Variants in ELAPOR2 observed in about 807,000 individuals in gnomAD.
ELAPOR2 encodes endosome-lysosome associated apoptosis and autophagy regulator family member 2.
In ELAPOR2, 89 loss-of-function variants were observed where a neutral mutation model predicts 120.7. The ratio of observed to expected loss-of-function variants is 0.74; its 90% CI spans 0.62 to 0.88. The LOEUF (loss-of-function observed/expected upper bound fraction) is 0.88, where lower values mean the gene tolerates loss of function less well. Among genes scored for constraint, ELAPOR2 ranks in the 40% least tolerant of loss-of-function variants. The pLI, the probability that ELAPOR2 is intolerant of heterozygous loss-of-function variation, is 0.00. For synonymous variants in ELAPOR2, 444 were observed against 444.9 expected, an observed-to-expected ratio of 1.00 and a Z score of 0.03; for missense variants, 1,134 against 1,251.6, an observed-to-expected ratio of 0.91 and a Z score of 1.42.
intron 1 of ELAPOR2, among the ~76,000 whole-genome samples, chr7:86,978,364 T>C (rs528259499): frequency 3.3e-5 from 5 of 152,292 alleles, no homozygotes; most frequent in Admixed American, 1.3e-4. Context: ...ACTAATACAC[T>C]TCCAGTAAGA....
chr7:86,930,486 G>A (rs1179944780), intron 8 of ELAPOR2, among the ~76,000 whole-genome samples: 1 of 151,750 alleles, frequency 6.6e-6, no homozygotes, highest in Non-Finnish European at 1.5e-5. Context: ...CTATATCTTT[G>A]TCCTGCTATA....
chr7:86,947,667 G>A, intron 3 of ELAPOR2, 60 bp downstream of exon 3: 3 of 1,375,104 alleles, frequency 2.2e-6, no homozygotes, highest in Non-Finnish European at 3.0e-6. Flanking sequence ...TTCTGGAAAA[G>A]AGCAACTACT....
At chr7:86,942,215 G>A in intron 4 of ELAPOR2, 111 bp from the exon 5 acceptor site, 1 of 569,678 alleles carries the variant, frequency 1.8e-6, no homozygotes, top group East Asian at 3.0e-5. Context: ...CTAAACAATG[G>A]CCATGAGTAA....
In ELAPOR2 at chr7:87,059,505, G is replaced by A; in HGVS notation, c.9C>T (p.Phe3=). The change falls in exon 1 of 22, where the codon TTC becomes TTT. Residue 3 remains phenylalanine (F), a synonymous_variant. Transcript: ENST00000450689. ...TGCCCCGTACCGGCCCCCGGGCGCG[G>A]AACAGCATCTTCGTCCGGCCGCGGT... ML[F]RARGPVRGRG... 2 of 1,200,614 alleles carry A rather than the reference G, an allele frequency of 1.7e-6. No individual in the cohort carries two copies. The highest frequency in any genetic ancestry group is 3.3e-4 in the Middle Eastern group (1 of 3,026). 74.4% of individuals were successfully genotyped at this position (1,200,614 alleles called of 1,614,324 possible).
intron 8 of ELAPOR2, among the ~76,000 whole-genome samples, chr7:86,934,577 T>C (rs1176003580): frequency 1.3e-5 from 2 of 151,988 alleles, no homozygotes; most frequent in East Asian, 1.9e-4. Flanking sequence ...TTTCTCCCAC[T>C]TCTCCAGCCA....
intron 1 of ELAPOR2, among the ~76,000 whole-genome samples, chr7:87,042,840 T>A (rs1794828040): frequency 6.6e-6 from 1 of 151,738 alleles, no homozygotes. Flanking sequence ...TTTGAAAGGA[T>A]CAACAAAATT....
At chr7:86,914,686 GTGTT>G in intron 13 of ELAPOR2, 33 bp downstream of exon 13, 1 of 1,567,728 alleles carries the variant, frequency 6.4e-7, no homozygotes. Context: ...CATCATTAGT[GTGTT>G]TAAAATTTTA....
At chr7:86,967,084 T>G (rs1048236331) in intron 1 of ELAPOR2, among the ~76,000 whole-genome samples, 1 of 152,160 alleles carries the variant, frequency 6.6e-6, no homozygotes, top group Non-Finnish European at 1.5e-5. Flanking sequence ...TACCACACCC[T>G]CCCATGGTAG....
chr7:86,938,947 T>C lies in ELAPOR2; in HGVS notation c.861A>G (p.Thr287=). Residue 287 remains threonine (T), a synonymous_variant, in exon 7 of 22, where the codon ACA becomes ACG. Transcript: ENST00000450689. ...CTGGCTTGCAAGGAAAACATTCTGA[T>C]GTGTACGCCACCCCTGTGCAGTAAT... ...KNITIEGVAY[T]SECFPCKPGT... is the part of the protein sequence containing the mutation. 1 of 1,613,058 alleles carries C rather than the reference T, an allele frequency of 6.2e-7. No individual in the cohort carries two copies. The highest frequency in any genetic ancestry group is 8.5e-7 in the Non-Finnish European group (1 of 1,179,360).
chr7:86,918,763 G>C (rs1789687525), intron 11 of ELAPOR2, among the ~76,000 whole-genome samples: 1 of 151,988 alleles, frequency 6.6e-6, no homozygotes, highest in Non-Finnish European at 1.5e-5. Flanking sequence ...TGAACCTCTT[G>C]CTGTAAATGA....
intron 1 of ELAPOR2, among the ~76,000 whole-genome samples, chr7:87,033,002 T>C (rs531964819): frequency 1.8e-4 from 27 of 152,168 alleles, no homozygotes; most frequent in African/African-American, 5.8e-4. Context: ...CATGTGAAAA[T>C]GATTGGCTAC....
chr7:86,886,821 C>T (rs571925362), intron 21 of ELAPOR2, among the ~76,000 whole-genome samples: 3 of 152,216 alleles, frequency 2.0e-5, no homozygotes, highest in Admixed American at 1.3e-4. Context: ...CTCAATAGGA[C>T]CCTCGATTTA....
At chr7:87,040,695 A>G (rs559497674) in intron 1 of ELAPOR2, among the ~76,000 whole-genome samples, 29 of 152,354 alleles carry the variant, frequency 1.9e-4, no homozygotes, top group African/African-American at 6.7e-4. Context: ...AAACTCTAAA[A>G]AGCAGAGCGC....
intron 8 of ELAPOR2, among the ~76,000 whole-genome samples, chr7:86,929,505 C>G (rs1296866676): frequency 6.6e-6 from 1 of 151,916 alleles, no homozygotes; most frequent in African/African-American, 2.4e-5. Context: ...TCATTTGTCT[C>G]TCTTGGAATT....
chr7:87,036,698 C>T (rs1207160059), intron 1 of ELAPOR2, among the ~76,000 whole-genome samples: 2 of 152,064 alleles, frequency 1.3e-5, no homozygotes, highest in African/African-American at 2.4e-5. Context: ...AACCAAATAC[C>T]GTATGTTCTT....
chr7:86,950,976 A>G (rs1239678152), intron 2 of ELAPOR2, among the ~76,000 whole-genome samples: 5 of 152,242 alleles, frequency 3.3e-5, no homozygotes, highest in Admixed American at 3.3e-4. Context: ...ACAGTTATGG[A>G]AAACTGCTTA....
At chr7:86,891,512 CCTT>C in intron 21 of ELAPOR2, 1 of 469,288 alleles carries the variant, frequency 2.1e-6, no homozygotes, top group Non-Finnish European at 3.7e-6. Flanking sequence ...ATATCTAACT[CCTT>C]ACTGATGATG....
intron 1 of ELAPOR2, among the ~76,000 whole-genome samples, chr7:87,000,725 C>G (rs1793289812): frequency 6.6e-6 from 1 of 152,166 alleles, no homozygotes; most frequent in African/African-American, 2.4e-5. Context: ...TGTTTTCAAT[C>G]ACAAAAACAA....
intron 1 of ELAPOR2, among the ~76,000 whole-genome samples, chr7:87,014,841 A>T (rs1176003062): frequency 6.6e-6 from 1 of 152,168 alleles, no homozygotes; most frequent in African/African-American, 2.4e-5. Context: ...CTGCTATGGG[A>T]GGAAGTTTTT....
Sources: allele counts gnomAD v4.1 joint callset (sites outside exome capture counted in the v4.1 genomes callset), GRCh38; gene constraint gnomAD v4.1.1; transcripts MANE v1.5; gene names NCBI Gene and HGNC (gene_info 2026-07-23, HGNC 2026-07-21).